Variants in TMCC3 observed in about 807,000 individuals in gnomAD.
TMCC3 encodes the protein transmembrane and coiled-coil domain protein 3.
In TMCC3, 28 loss-of-function variants were observed where a neutral mutation model predicts 40.2. The ratio of observed to expected loss-of-function variants is 0.70; its 90% CI spans 0.52 to 0.95. The LOEUF (loss-of-function observed/expected upper bound fraction) is 0.95. TMCC3 is among the 40% of genes least tolerant of loss of function. The pLI is 0.00. For missense variants in TMCC3, 554 were observed against 615.2 expected, an observed-to-expected ratio of 0.90 and a Z score of 1.05; for synonymous variants, 255 against 248.5, an observed-to-expected ratio of 1.03 and a Z score of -0.25.
intron 1 of TMCC3, among the ~76,000 whole-genome samples, chr12:94,592,272 A>G (rs2068681092): frequency 6.6e-6 from 1 of 152,128 alleles, no homozygotes; most frequent in African/African-American, 2.4e-5. Context: ...GTTTTGCCAT[A>G]AAGGTTTTAT....
At chr12:94,634,237 G>T (rs185215766) in intron 1 of TMCC3, among the ~76,000 whole-genome samples, 15 of 152,096 alleles carry the variant, frequency 9.9e-5, no homozygotes, top group Admixed American at 9.8e-4. Context: ...GAACCACCGT[G>T]CCTGGCCCAG....
intron 1 of TMCC3, among the ~76,000 whole-genome samples, chr12:94,592,424 G>A (rs2068682100): frequency 6.6e-6 from 1 of 151,452 alleles, no homozygotes. Flanking sequence ...TGGATCACTT[G>A]AGGTCAGGAG....
At chr12:94,589,677 G>A (rs2138835225) in intron 1 of TMCC3, among the ~76,000 whole-genome samples, 1 of 152,276 alleles carries the variant, frequency 6.6e-6, no homozygotes, top group South Asian at 2.1e-4. Flanking sequence ...AATTCTGGCT[G>A]TCTGTCTCCA....
In TMCC3 at chr12:94,604,803, C is replaced by CAAAA. The variant is rs11400128; in HGVS notation, c.79-22269_79-22266dup. ...TAAGTGACAGAGTGAGACTTCATCT[C>CAAAA]AAAAAAAAAAAAAAAAAAAAAGAAG... On this transcript the variant is annotated intron_variant, in intron 1 of 3. Coordinates refer to ENST00000261226, the MANE Select transcript of TMCC3 (RefSeq NM_020698.4). Among the ~76,000 whole-genome samples the CAAAA allele has an allele frequency of 6.3e-3, 329 of 52,328 alleles. 9 individuals are homozygous for CAAAA. The highest frequency in any genetic ancestry group is 0.014 in the Middle Eastern group (1 of 74). 34.3% of individuals were successfully genotyped at this position (52,328 alleles called of 152,430 possible).
At chr12:94,610,863 G>A (rs1312473443) in intron 1 of TMCC3, among the ~76,000 whole-genome samples, 3 of 152,298 alleles carry the variant, frequency 2.0e-5, no homozygotes, top group East Asian at 1.9e-4. Context: ...TCTAGAAGCT[G>A]TCTTAAGAAC....
intron 1 of TMCC3, among the ~76,000 whole-genome samples, chr12:94,619,675 T>C (rs566994319): frequency 6.6e-6 from 1 of 152,230 alleles, no homozygotes; most frequent in Non-Finnish European, 1.5e-5. Context: ...ACAGTTTTGC[T>C]TTTGGAAATT....
chr12:94,640,243 C>T (rs938589676), intron 1 of TMCC3, among the ~76,000 whole-genome samples: 43 of 152,240 alleles, frequency 2.8e-4, no homozygotes, highest in African/African-American at 9.6e-4. Context: ...TCAAGGCTCA[C>T]TGCAGCCTCA....
chr12:94,569,913 A>T lies in TMCC3; in HGVS notation c.*1522T>A, dbSNP rs1285534089. On this transcript the variant is annotated 3_prime_UTR_variant, in exon 4 of 4. Coordinates refer to ENST00000261226, the MANE Select transcript of TMCC3 (RefSeq NM_020698.4). The stretch of plus-strand genomic sequence containing the variant: ...GTGGTGGGACAAGGGGCTCAACAGC[A>T]GTTTCCATGAACATTGTTTCCATCT... The T allele has an allele frequency of 1.3e-5, 2 of 152,226 alleles. No homozygotes were observed. Among genetic ancestry groups the T allele is most frequent in the Non-Finnish European group, 2.9e-5 (2 of 68,050 alleles). 9.4% of individuals were successfully genotyped at this position (152,226 alleles called of 1,614,324 possible).
At chr12:94,598,674 A>G (rs2138846945) in intron 1 of TMCC3, 1 of 985,442 alleles carries the variant, frequency 1.0e-6, no homozygotes. Flanking sequence ...CAGTCATTAA[A>G]TGCTCTGCCG....
At chr12:94,586,532 C>T (rs372095501) in intron 1 of TMCC3, among the ~76,000 whole-genome samples, 6 of 152,332 alleles carry the variant, frequency 3.9e-5, no homozygotes, top group African/African-American at 1.4e-4. Context: ...ACAGATAAGA[C>T]GAGATGAAGT....
At chr12:94,643,800 C>T (rs775162967) in intron 1 of TMCC3, among the ~76,000 whole-genome samples, 3 of 152,206 alleles carry the variant, frequency 2.0e-5, no homozygotes. Flanking sequence ...GTGTTCGCCA[C>T]GGAGGCAGAC....
chr12:94,575,116 C>A (rs1216756019), intron 3 of TMCC3, among the ~76,000 whole-genome samples: 1 of 152,180 alleles, frequency 6.6e-6, no homozygotes, highest in African/African-American at 2.4e-5. Flanking sequence ...TAAAAAACCA[C>A]TCAGTTGTTT....
chr12:94,593,956 T>C (rs540888047), intron 1 of TMCC3, among the ~76,000 whole-genome samples: 5 of 151,986 alleles, frequency 3.3e-5, no homozygotes, highest in Admixed American at 6.5e-5. Context: ...GTGATGAAAA[T>C]AGACCAACCT....
chr12:94,581,493 A>T (rs2068600628), intron 2 of TMCC3, 129 bp downstream of exon 2: 1 of 517,774 alleles, frequency 1.9e-6, no homozygotes, highest in South Asian at 1.0e-4. Flanking sequence ...AGAATGCCAC[A>T]CCTATCACGT....
At chr12:94,636,979 A>G (rs1285673586) in intron 1 of TMCC3, among the ~76,000 whole-genome samples, 1 of 152,202 alleles carries the variant, frequency 6.6e-6, no homozygotes, top group Non-Finnish European at 1.5e-5. Flanking sequence ...ACTCTGAGAT[A>G]ATTAAATGGG....
In TMCC3 at chr12:94,583,709, C is replaced by T. The variant is rs148476479; in HGVS notation, c.79-1171G>A. Among the ~76,000 whole-genome samples the T allele has an allele frequency of 1.2e-3, 184 of 152,296 alleles. 2 individuals are homozygous for T. The highest frequency in any genetic ancestry group is 4.3e-3 in the African/African-American group (177 of 41,556). On this transcript the variant is annotated intron_variant, in intron 1 of 3. Transcript: ENST00000261226. ...ATGCCTCTCATGGGTTGTCTCACTTCACTACCATGCCAGACAAAGAACATG... is the reference window on the plus strand; with the variant it reads ...ATGCCTCTCATGGGTTGTCTCACTTTACTACCATGCCAGACAAAGAACATG...
At chr12:94,581,145 G>A (rs964179307) in intron 2 of TMCC3, among the ~76,000 whole-genome samples, 1 of 152,102 alleles carries the variant, frequency 6.6e-6, no homozygotes, top group Non-Finnish European at 1.5e-5. Flanking sequence ...CCTCAAAAAT[G>A]GGACCCAAGT....
chr12:94,598,205 T>C (rs1355963820), intron 1 of TMCC3, among the ~76,000 whole-genome samples: 1 of 152,230 alleles, frequency 6.6e-6, no homozygotes, highest in African/African-American at 2.4e-5. Context: ...TCAAAGCTAA[T>C]AAGTGGCAGA....
intron 3 of TMCC3, among the ~76,000 whole-genome samples, chr12:94,574,185 C>G (rs2068549578): frequency 6.6e-6 from 1 of 151,932 alleles, no homozygotes; most frequent in African/African-American, 2.4e-5. Context: ...GAGTTCAAGA[C>G]CAGCCTGGCC....
Sources: allele counts gnomAD v4.1 joint callset (sites outside exome capture counted in the v4.1 genomes callset), GRCh38; gene constraint gnomAD v4.1.1; transcripts MANE v1.5; gene names NCBI Gene and HGNC (gene_info 2026-07-23, HGNC 2026-07-21).